Variants in FNDC3B observed in about 807,000 individuals in gnomAD.
The protein encoded by FNDC3B is fibronectin type III domain containing 3B, also known as fibronectin type III domain-containing protein 3B.
In FNDC3B, 12 loss-of-function variants were observed where a neutral mutation model predicts 151.5. That is an observed-to-expected ratio of 0.08 (90% CI 0.05 to 0.13). The LOEUF is 0.13. Among genes scored for constraint, FNDC3B ranks in the 10% least tolerant of loss-of-function variants. The probability of loss-of-function intolerance (pLI) is 1.00; values close to 1 mark genes in which losing one functional copy is unlikely to be tolerated. For synonymous variants in FNDC3B, 528 were observed against 549.0 expected (o/e 0.96, Z 0.54); for missense variants, 1,214 against 1,505.3 (o/e 0.81, Z 3.20).
intron 3 of FNDC3B, among the ~76,000 whole-genome samples, chr3:172,138,405 T>C (rs1721474598): frequency 6.6e-6 from 1 of 152,224 alleles, no homozygotes; most frequent in African/African-American, 2.4e-5. Flanking sequence ...ACTCTTCTGA[T>C]GGCAGTTTAA....
rs138118553 is a variant in FNDC3B, at chr3:172,192,381, T to C, written c.188-34490T>C. ...TTTGTGTTTTTAGTAGAGACAGGGT[T>C]TCACCGTGTTAGCCAGGATGGTCTT... On this transcript the variant is annotated intron_variant, in intron 3 of 25. Coordinates refer to ENST00000415807, the MANE Select transcript of FNDC3B (RefSeq NM_022763.4). Among the ~76,000 whole-genome samples, 124 of 151,946 alleles carry C rather than the reference T, an allele frequency of 8.2e-4. 1 individual carries two copies. Among genetic ancestry groups the C allele is most frequent in the African/African-American group, 2.9e-3 (121 of 41,406 alleles).
chr3:172,118,943 C>A lies in FNDC3B; in HGVS notation c.111+6353C>A, dbSNP rs895794077. ...CAGCACTTTGGGAGGCTGAGGCGGGCGGATCACGAGGTCAGGAGATCAAGA... is the reference window on the plus strand; with the variant it reads ...CAGCACTTTGGGAGGCTGAGGCGGGAGGATCACGAGGTCAGGAGATCAAGA... On this transcript the variant is annotated intron_variant, in intron 2 of 25. Transcript: ENST00000415807. Among the ~76,000 whole-genome samples the A allele has an allele frequency of 4.2e-4, 63 of 151,630 alleles. 1 individual carries two copies. In the South Asian group the frequency reaches 0.013, roughly 31 times the overall value.
intron 3 of FNDC3B, among the ~76,000 whole-genome samples, chr3:172,143,099 TGGG>T (rs1490387915): frequency 1.3e-5 from 2 of 151,978 alleles, no homozygotes; most frequent in Non-Finnish European, 2.9e-5. Flanking sequence ...GAATTTGCGC[TGGG>T]GTAGGGGACA....
intron 25 of FNDC3B, among the ~76,000 whole-genome samples, chr3:172,389,174 C>T (rs1162109726): frequency 6.6e-6 from 1 of 152,174 alleles, no homozygotes; most frequent in Admixed American, 6.5e-5. Context: ...AGTGTAATAA[C>T]TCAAAAATTT....
intron 3 of FNDC3B, among the ~76,000 whole-genome samples, chr3:172,220,486 G>C (rs1183674804): frequency 8.5e-5 from 13 of 152,056 alleles, no homozygotes; most frequent in Admixed American, 8.5e-4. Context: ...CATTTTCCTA[G>C]TTATGTCTTT....
rs550584448 is a variant in FNDC3B at position 172,265,428 on chromosome 3, G to A, written c.790+13887G>A. Among the ~76,000 whole-genome samples the A allele has an allele frequency of 5.9e-5, 9 of 152,196 alleles. No homozygotes were observed. In the South Asian group the frequency reaches 1.9e-3, roughly 32 times the overall value. ...TAGATATTAAAAATGATATTTTCAGGGGAGCAGTAGATCAATAATCTGTTT... is the reference window on the plus strand; with the variant it reads ...TAGATATTAAAAATGATATTTTCAGAGGAGCAGTAGATCAATAATCTGTTT... On this transcript the variant is annotated intron_variant, in intron 6 of 25. Coordinates refer to ENST00000415807, the MANE Select transcript of FNDC3B (RefSeq NM_022763.4).
chr3:172,141,164 G>A (rs1721612141), intron 3 of FNDC3B, among the ~76,000 whole-genome samples: 3 of 152,014 alleles, frequency 2.0e-5, no homozygotes, highest in South Asian at 2.1e-4. Context: ...TAAATAGATG[G>A]CATGATTGTG....
intron 3 of FNDC3B, among the ~76,000 whole-genome samples, chr3:172,192,152 CTG>C (rs1724544300): frequency 6.8e-6 from 1 of 147,868 alleles, no homozygotes; most frequent in Non-Finnish European, 1.5e-5. Flanking sequence ...ACACAGAAGA[CTG>C]TTTTTTTTGT....
Position 172,222,687 on chromosome 3 carries a change from C to T in FNDC3B, c.188-4184C>T, listed in dbSNP as rs372571253. 2.6e-5 allele frequency among the ~76,000 whole-genome samples: 4 copies of T among 152,256 alleles called. No individual in the cohort carries two copies. In the South Asian group the frequency reaches 8.3e-4, roughly 32 times the overall value. ...TCGCTGCTGATTAGGAATCTAATGC[C>T]GCTGCCGATCTGACAGGAGGCAGAG... On this transcript the variant is annotated intron_variant, in intron 3 of 25. Coordinates refer to ENST00000415807, the MANE Select transcript of FNDC3B (RefSeq NM_022763.4).
chr3:172,213,535 G>A (rs1725832055), intron 3 of FNDC3B, among the ~76,000 whole-genome samples: 1 of 152,188 alleles, frequency 6.6e-6, no homozygotes, highest in Admixed American at 6.5e-5. Flanking sequence ...GCCTTGAAGG[G>A]ATTTATGAGT....
intron 1 of FNDC3B, among the ~76,000 whole-genome samples, chr3:172,043,196 C>T (rs1053317166): frequency 4.6e-5 from 7 of 152,210 alleles, no homozygotes; most frequent in Non-Finnish European, 1.5e-5. Context: ...GAATTACAGG[C>T]GTGAGCCACC....
intron 9 of FNDC3B, among the ~76,000 whole-genome samples, chr3:172,304,977 G>A (rs1731122560): frequency 6.6e-6 from 1 of 151,402 alleles, no homozygotes; most frequent in Non-Finnish European, 1.5e-5. Context: ...TAAAATGAGA[G>A]CGCTCCAGAT....
At chr3:172,070,919 A>G (rs1403260358) in intron 1 of FNDC3B, among the ~76,000 whole-genome samples, 2 of 152,174 alleles carry the variant, frequency 1.3e-5, no homozygotes, top group African/African-American at 2.4e-5. Context: ...TTTTCATCTA[A>G]TTTAAAACAA....
At position 172,232,611 on chromosome 3, in the gene FNDC3B, G is replaced by A. The variant is rs146690225; in HGVS notation, c.264+5664G>A. Among the ~76,000 whole-genome samples, 1,249 of 152,294 alleles carry A rather than the reference G, an allele frequency of 8.2e-3. 11 individuals are homozygous for A. The highest frequency in any genetic ancestry group is 0.013 in the Non-Finnish European group (910 of 68,022). On this transcript the variant is annotated intron_variant, in intron 4 of 25. Coordinates refer to ENST00000415807, the MANE Select transcript of FNDC3B (RefSeq NM_022763.4). ...TTTTTAGTGGGATGAGAGGTAGAGG[G>A]ATTCTTTTCAACTTGAGAGAAAATA... is the stretch of plus-strand genomic sequence containing the variant.
intron 1 of FNDC3B, among the ~76,000 whole-genome samples, chr3:172,045,172 C>G (rs1205246163): frequency 6.6e-6 from 1 of 152,178 alleles, no homozygotes; most frequent in East Asian, 1.9e-4. Flanking sequence ...TTTCAGAGAC[C>G]TCCAAATTGT....
At chr3:172,182,050 A>G (rs1243322555) in intron 3 of FNDC3B, among the ~76,000 whole-genome samples, 2 of 152,116 alleles carry the variant, frequency 1.3e-5, no homozygotes, top group African/African-American at 4.8e-5. Context: ...GGCTTTTAGT[A>G]TGTGTTACCT....
At chr3:172,258,796 C>T (rs1366794116) in intron 6 of FNDC3B, among the ~76,000 whole-genome samples, 3 of 152,222 alleles carry the variant, frequency 2.0e-5, no homozygotes, top group African/African-American at 7.2e-5. Flanking sequence ...CTCCCTGTAA[C>T]AGATAATGCT....
intron 23 of FNDC3B, among the ~76,000 whole-genome samples, chr3:172,368,989 C>T (rs761999887): frequency 4.6e-5 from 7 of 152,144 alleles, no homozygotes; most frequent in Non-Finnish European, 8.8e-5. Flanking sequence ...CCAGCCTGGG[C>T]GACAGAGCAA....
At chr3:172,205,686 A>G (rs1218774756) in intron 3 of FNDC3B, among the ~76,000 whole-genome samples, 2 of 152,340 alleles carry the variant, frequency 1.3e-5, no homozygotes, top group Non-Finnish European at 2.9e-5. Flanking sequence ...GAGTATGTGT[A>G]TCATATCATA....
Sources: gnomAD v4.1 joint callset for allele counts (sites outside exome capture counted in the v4.1 genomes callset) on GRCh38, gnomAD v4.1.1 for gene constraint, MANE v1.5 for transcripts, NCBI Gene and HGNC (gene_info 2026-07-23, HGNC 2026-07-21) for gene names.